Variants in AMMECR1 observed in about 807,000 individuals in gnomAD.
AMMECR1 encodes nuclear protein AMMECR1.
A neutral mutation model predicts 22.5 loss-of-function variants in AMMECR1; 3 were observed. That is an observed-to-expected ratio of 0.13 (90% CI 0.06 to 0.35). The LOEUF is 0.35. Ranked by LOEUF, AMMECR1 falls within the 10% of genes least tolerant of loss-of-function variation. The pLI is 1.00. For missense variants in AMMECR1, 235 were observed against 278.7 expected (o/e 0.84, Z 1.12); for synonymous variants, 130 against 116.7 (o/e 1.11, Z -0.74).
intron 2 of AMMECR1, among the ~76,000 whole-genome samples, chrX:110,393,385 T>G: frequency 8.9e-6 from 1 of 112,131 alleles, no homozygotes; most frequent in Non-Finnish European, 1.9e-5. Flanking sequence ...GTGCTTTATT[T>G]TCATCTCTGA....
intron 2 of AMMECR1, among the ~76,000 whole-genome samples, chrX:110,408,564 C>T (rs2068618926): frequency 8.9e-6 from 1 of 112,338 alleles, no homozygotes; most frequent in African/African-American, 3.2e-5. Flanking sequence ...TTTGCTTCCC[C>T]TGCCCCGACC....
intron 2 of AMMECR1, among the ~76,000 whole-genome samples, chrX:110,385,142 T>A (rs1461259793): frequency 9.0e-6 from 1 of 111,409 alleles, no homozygotes; most frequent in Non-Finnish European, 1.9e-5. Context: ...CAACTAGCTG[T>A]GAGACCTCAG....
intron 1 of AMMECR1, among the ~76,000 whole-genome samples, chrX:110,427,697 T>C (rs2068764121): frequency 8.9e-6 from 1 of 112,400 alleles, no homozygotes; most frequent in Non-Finnish European, 1.9e-5. Flanking sequence ...TACTGCTCTA[T>C]AGGATGAAGT....
At chrX:110,358,238 T>C (rs948001662) in intron 2 of AMMECR1, among the ~76,000 whole-genome samples, 10 of 111,399 alleles carry the variant, frequency 9.0e-5, no homozygotes, top group African/African-American at 3.3e-4. Context: ...GAGTGTAAAA[T>C]GCAGAGTGTT....
intron 2 of AMMECR1, among the ~76,000 whole-genome samples, chrX:110,379,113 A>T (rs949244944): frequency 3.6e-5 from 4 of 111,612 alleles, no homozygotes; most frequent in Non-Finnish European, 7.5e-5. Flanking sequence ...CTCTTTCATG[A>T]TACTCGTTAT....
intron 2 of AMMECR1, among the ~76,000 whole-genome samples, chrX:110,242,470 A>G (rs1602818381): frequency 8.9e-6 from 1 of 111,778 alleles, no homozygotes; most frequent in African/African-American, 3.3e-5. Context: ...TGGCCAAGAA[A>G]GTCACCAAAA....
chrX:110,287,571 A>T (rs1283232701), intron 1 of AMMECR1, among the ~76,000 whole-genome samples: 1 of 111,677 alleles, frequency 9.0e-6, no homozygotes, highest in Non-Finnish European at 1.9e-5. Context: ...TGATGCTCAG[A>T]ATACCCGACC....
intron 1 of AMMECR1, among the ~76,000 whole-genome samples, chrX:110,434,536 C>T (rs1449645848): frequency 9.0e-6 from 1 of 111,319 alleles, no homozygotes; most frequent in Non-Finnish European, 1.9e-5. Flanking sequence ...GGCTGGCTGT[C>T]ATGGGGTCAA....
intron 2 of AMMECR1, among the ~76,000 whole-genome samples, chrX:110,262,171 C>T (rs1218970561): frequency 8.9e-6 from 1 of 111,772 alleles, no homozygotes; most frequent in Non-Finnish European, 1.9e-5. Flanking sequence ...TAAAATGAAT[C>T]CAGGAAAAAA....
intron 2 of AMMECR1, among the ~76,000 whole-genome samples, chrX:110,226,966 A>T (rs1225043615): frequency 8.9e-6 from 1 of 111,939 alleles, no homozygotes; most frequent in Non-Finnish European, 1.9e-5. Flanking sequence ...TCTAAACTTA[A>T]TAAGCCTTAT....
intron 5 of AMMECR1, 128 bp from the exon 6 acceptor site, chrX:110,198,762 C>T: frequency 2.1e-6 from 1 of 475,324 alleles, no homozygotes; most frequent in Non-Finnish European, 3.7e-6. Context: ...GAAGCAGTGA[C>T]TGCCCAAGGT....
upstream of AMMECR1, chrX:110,318,086 C>A (rs1483209317): frequency 8.5e-7 from 1 of 1,171,372 alleles, no homozygotes; most frequent in Admixed American, 2.3e-5. Context: ...GAACAGTCTC[C>A]CCCACGCAGC....
intron 2 of AMMECR1, among the ~76,000 whole-genome samples, chrX:110,341,128 T>C (rs2068162430): frequency 8.9e-6 from 1 of 112,715 alleles, no homozygotes; most frequent in East Asian, 2.7e-4. Flanking sequence ...AAGATTATAG[T>C]CCAATTTGTC....
rs887564163 is a variant in AMMECR1 at position 110,317,836 on chromosome X, C to T, written c.236G>A (p.Gly79Asp). The T allele has an allele frequency of 6.0e-6, 7 of 1,158,967 alleles. No homozygotes were observed. The African/African-American group carries it at 1.1e-4, about 18-fold the overall frequency. The change falls in exon 1 of 6, where the codon GGC becomes GAC. Residue 79 changes from glycine (G) to aspartate (D), a missense_variant. Physicochemically the swap from Gly to Asp is moderately conservative, Grantham distance 94. Around this residue, in one of 2 missense-constraint regions of AMMECR1, gnomAD observed 124 missense variants for 97.0 expected, o/e 1.28. Coordinates refer to ENST00000262844, the MANE Select transcript of AMMECR1 (RefSeq NM_015365.3). ...TLSPPQGCGG[G>D]GGGIALSPPP... Reference sequence around the variant, plus strand: ...TGGCGACAGGGCGATCCCCCCGCCGCCGCCGCCGCAGCCCTGGGGGGGAGA... The same window carrying T: ...TGGCGACAGGGCGATCCCCCCGCCGTCGCCGCCGCAGCCCTGGGGGGGAGA...
chrX:110,392,004 T>C (rs907688689), intron 2 of AMMECR1, among the ~76,000 whole-genome samples: 1 of 112,291 alleles, frequency 8.9e-6, no homozygotes, highest in Non-Finnish European at 1.9e-5. Flanking sequence ...AAAAGACCAA[T>C]AATATTGAAT....
chrX:110,307,917 T>C (rs1431707186), intron 1 of AMMECR1, among the ~76,000 whole-genome samples: 3 of 99,389 alleles, frequency 3.0e-5, no homozygotes, highest in Non-Finnish European at 6.1e-5. Context: ...TCGCCCAAGC[T>C]GGAGTGCAGT....
At chrX:110,214,485 C>T (rs1237592055) in intron 3 of AMMECR1, among the ~76,000 whole-genome samples, 1 of 110,978 alleles carries the variant, frequency 9.0e-6, no homozygotes, top group African/African-American at 3.3e-5. Context: ...CTTTACATCC[C>T]ACTCTCCTAA....
At chrX:110,358,736 A>C (rs1426741941) in intron 2 of AMMECR1, 8 of 112,070 alleles carry the variant, frequency 7.1e-5, no homozygotes. Context: ...AGAATTGAAA[A>C]GAAACTTTGT....
At position 110,317,728 on chromosome X, in the gene AMMECR1, G is replaced by A. The variant is rs367648528; in HGVS notation, c.344C>T (p.Ser115Leu). Residue 115 changes from serine (S) to leucine (L), a missense_variant, in exon 1 of 6, where the codon TCG becomes TTG. Physicochemically the swap from Ser to Leu is moderately radical, Grantham distance 145. Coordinates refer to ENST00000262844, the MANE Select transcript of AMMECR1 (RefSeq NM_015365.3). The part of the protein sequence containing the change: ...SSSPSSSSAA[S>L]SSSPGSRKMV... ...CTTCCGGGAGCCCGGCGATGAGGAC[G>A]AGGCGGCGGACGATGAGGAGGGTGA... is the stretch of plus-strand genomic sequence containing the variant. 8.3e-7 allele frequency: 1 copy of A among 1,197,607 alleles called. No homozygotes were observed. Among genetic ancestry groups the A allele is most frequent in the African/African-American group, 1.8e-5 (1 of 57,065 alleles).
Sources: gnomAD v4.1 joint callset for allele counts (sites outside exome capture counted in the v4.1 genomes callset) on GRCh38, gnomAD v4.1.1 for gene constraint, gnomAD v4.1.1 regional missense constraint, MANE v1.5 for transcripts, NCBI Gene and HGNC (gene_info 2026-07-23, HGNC 2026-07-21) for gene names.